NKAIN2: variants seen among roughly 807,000 people sequenced by gnomAD.
The protein encoded by NKAIN2 is sodium/potassium-transporting ATPase subunit beta-1-interacting protein 2.
In NKAIN2, 14 loss-of-function variants were observed where a neutral mutation model predicts 32.6. The ratio of observed to expected loss-of-function variants is 0.43; its 90% CI spans 0.28 to 0.67. The LOEUF (loss-of-function observed/expected upper bound fraction) is 0.67, where lower values mean the gene tolerates loss of function less well. Among genes scored for constraint, NKAIN2 ranks in the 30% least tolerant of loss-of-function variants. NKAIN2 has a pLI of 0.17. For synonymous variants in NKAIN2, 80 were observed against 87.2 expected (o/e 0.92, Z 0.46); for missense variants, 198 against 258.3 (o/e 0.77, Z 1.60).
chr6:123,919,560 A>C (rs1775653007), intron 1 of NKAIN2, among the ~76,000 whole-genome samples: 1 of 152,182 alleles, frequency 6.6e-6, no homozygotes, highest in Non-Finnish European at 1.5e-5. Context: ...TGCAAAGGCA[A>C]GGTTCATGTG....
At chr6:124,041,880 G>T (rs530905725) in intron 1 of NKAIN2, among the ~76,000 whole-genome samples, 12 of 152,142 alleles carry the variant, frequency 7.9e-5, no homozygotes, top group African/African-American at 2.9e-4. Flanking sequence ...TTTTCCTGAT[G>T]AAATTTGTTT....
intron 1 of NKAIN2, among the ~76,000 whole-genome samples, chr6:124,051,633 A>T (rs2114834883): frequency 6.6e-6 from 1 of 152,072 alleles, no homozygotes; most frequent in East Asian, 1.9e-4. Context: ...TAACAAGCCA[A>T]TTACCTTCTT....
rs560680160 is a variant in NKAIN2 at position 124,465,413 on chromosome 6, A to C, written c.273+110066A>C. Among the ~76,000 whole-genome samples the C allele has an allele frequency of 5.3e-5, 8 of 152,194 alleles. No individual in the cohort carries two copies. In the South Asian group the frequency reaches 1.7e-3, roughly 32 times the overall value. ...AACCAAACACCACATGTTCGCACTCATAAGTGGGAGTCGAACAATGAGAAC... is the reference window on the plus strand; with the variant it reads ...AACCAAACACCACATGTTCGCACTCCTAAGTGGGAGTCGAACAATGAGAAC... On this transcript the variant is annotated intron_variant, in intron 3 of 6. Coordinates refer to ENST00000368417, the MANE Select transcript of NKAIN2 (RefSeq NM_001040214.3).
chr6:124,324,622 G>T (rs550256861), intron 2 of NKAIN2, among the ~76,000 whole-genome samples: 1 of 152,132 alleles, frequency 6.6e-6, no homozygotes, highest in South Asian at 2.1e-4. Context: ...GGAGCAGTGG[G>T]ACCAAACATT....
chr6:124,419,138 A>G (rs74892366), intron 3 of NKAIN2, among the ~76,000 whole-genome samples: 3,156 of 152,128 alleles, frequency 0.021, 123 homozygotes, highest in African/African-American at 0.072. Context: ...CTCATAGAGG[A>G]ATCTTCTTTC....
chr6:124,391,948 T>G (rs1362582430), intron 3 of NKAIN2, among the ~76,000 whole-genome samples: 4 of 152,104 alleles, frequency 2.6e-5, no homozygotes, highest in Admixed American at 6.6e-5. Flanking sequence ...AACTGGAATC[T>G]CCAGGTAAAG....
intron 5 of NKAIN2, among the ~76,000 whole-genome samples, chr6:124,793,991 C>G (rs534547472): frequency 6.6e-6 from 1 of 152,250 alleles, no homozygotes; most frequent in South Asian, 2.1e-4. Context: ...TCAAATCCTA[C>G]AAGAAGAAAT....
At position 124,823,235 on chromosome 6, in the gene NKAIN2, A is replaced by G. The variant is rs1039364683; in HGVS notation, c.*6A>G. The G allele has an allele frequency of 1.3e-6, 2 of 1,595,098 alleles. No individual in the cohort carries two copies. Among genetic ancestry groups the G allele is most frequent in the African/African-American group, 1.3e-5 (1 of 74,812 alleles). On this transcript the variant is annotated 3_prime_UTR_variant, in exon 7 of 7. Transcript: ENST00000368417. The stretch of plus-strand genomic sequence containing the variant: ...TCTCTCTCAGGTCAAAATAATACAG[A>G]TGACTTCAGTATGTCAGCCCATGGA...
At chr6:124,196,982 G>T (rs1790345926) in intron 1 of NKAIN2, among the ~76,000 whole-genome samples, 1 of 151,770 alleles carries the variant, frequency 6.6e-6, no homozygotes, top group Non-Finnish European at 1.5e-5. Context: ...AAGGTATTAA[G>T]AAGGTTGTAG....
At chr6:124,198,611 C>A (rs1469242380) in intron 1 of NKAIN2, among the ~76,000 whole-genome samples, 1 of 151,912 alleles carries the variant, frequency 6.6e-6, no homozygotes, top group Non-Finnish European at 1.5e-5. Flanking sequence ...CTTTCCTCAG[C>A]CGTGGTATAT....
At chr6:124,432,927 C>T (rs1183144856) in intron 3 of NKAIN2, among the ~76,000 whole-genome samples, 2 of 152,140 alleles carry the variant, frequency 1.3e-5, no homozygotes, top group Admixed American at 6.6e-5. Context: ...TGTGAACTGG[C>T]CTGCTTGGCT....
chr6:124,790,617 A>T (rs896925356), intron 4 of NKAIN2, among the ~76,000 whole-genome samples: 3 of 152,068 alleles, frequency 2.0e-5, no homozygotes, highest in African/African-American at 7.2e-5. Context: ...GACTAAGTAA[A>T]TATTGTACTA....
At chr6:124,234,503 T>C (rs544056567) in intron 1 of NKAIN2, among the ~76,000 whole-genome samples, 1 of 152,238 alleles carries the variant, frequency 6.6e-6, no homozygotes, top group South Asian at 2.1e-4. Flanking sequence ...ATGCTCTTTA[T>C]AAATATAGAA....
intron 3 of NKAIN2, among the ~76,000 whole-genome samples, chr6:124,449,517 A>G (rs192983704): frequency 1.1e-4 from 17 of 152,236 alleles, no homozygotes; most frequent in African/African-American, 4.1e-4. Context: ...TCAACAGGCT[A>G]TCTTTTAGGT....
At chr6:124,251,841 T>A (rs1793702544) in intron 1 of NKAIN2, among the ~76,000 whole-genome samples, 1 of 152,022 alleles carries the variant, frequency 6.6e-6, no homozygotes, top group Admixed American at 6.6e-5. Context: ...AGTTTGTACA[T>A]TATACTGCCT....
At chr6:124,731,611 A>G (rs1420804087) in intron 4 of NKAIN2, among the ~76,000 whole-genome samples, 1 of 150,072 alleles carries the variant, frequency 6.7e-6, no homozygotes, top group East Asian at 2.0e-4. Flanking sequence ...CTAATGCTAG[A>G]TGACGAGTTA....
intron 3 of NKAIN2, among the ~76,000 whole-genome samples, chr6:124,415,971 G>T (rs1583218109): frequency 8.2e-6 from 1 of 121,964 alleles, no homozygotes; most frequent in African/African-American, 3.1e-5. Context: ...TTTGATCTTT[G>T]GTTATAGTCC....
intron 1 of NKAIN2, among the ~76,000 whole-genome samples, chr6:124,114,531 C>T (rs532035243): frequency 6.6e-6 from 1 of 151,942 alleles, no homozygotes; most frequent in Non-Finnish European, 1.5e-5. Flanking sequence ...ATTTGAAAAT[C>T]ATCAGCATAT....
intron 1 of NKAIN2, among the ~76,000 whole-genome samples, chr6:124,059,975 C>A (rs1782848238): frequency 6.6e-6 from 1 of 152,128 alleles, no homozygotes; most frequent in South Asian, 2.1e-4. Context: ...GCTTATGCTG[C>A]ATTGTTTTCA....
Sources: gnomAD v4.1 joint callset for allele counts (sites outside exome capture counted in the v4.1 genomes callset) on GRCh38, gnomAD v4.1.1 for gene constraint, MANE v1.5 for transcripts, NCBI Gene and HGNC (gene_info 2026-07-23, HGNC 2026-07-21) for gene names.